The following SPMIP11 variants were observed in gnomAD, a reference collection of about 807,000 sequenced individuals.
SPMIP11 encodes the protein long intergenic non-protein coding RNA 935.
chr12:48,728,313 T>A, the SPMIP11 span, among the ~76,000 whole-genome samples: 2 of 152,152 alleles, frequency 1.3e-5, no homozygotes, highest in African/African-American at 4.8e-5. Flanking sequence ...CTATTGGATT[T>A]GGAATAAGAA....
chr12:48,765,573 T>A, the SPMIP11 span: 6 of 702,764 alleles, frequency 8.5e-6, no homozygotes, highest in Non-Finnish European at 1.3e-5. Context: ...CAGCCTGGCC[T>A]GGCTGAATCT....
chr12:48,727,638 T>C, the SPMIP11 span: 1 of 672,542 alleles, frequency 1.5e-6, no homozygotes, highest in Non-Finnish European at 2.7e-6. Context: ...TAGCTATTTA[T>C]TTTCCTACCT....
the SPMIP11 span, among the ~76,000 whole-genome samples, chr12:48,743,933 C>CAAAAAAAA: frequency 2.4e-3 from 84 of 34,892 alleles, 2 homozygotes; most frequent in Non-Finnish European, 3.3e-3. Flanking sequence ...GACTTCGTCT[C>CAAAAAAAA]AAAAAAAAAA....
the SPMIP11 span, among the ~76,000 whole-genome samples, chr12:48,738,012 A>G: frequency 6.6e-6 from 1 of 151,538 alleles, no homozygotes; most frequent in African/African-American, 2.4e-5. Context: ...TTTAGTACAA[A>G]CGGAGTCTCC....
chr12:48,728,896 T>C, the SPMIP11 span, among the ~76,000 whole-genome samples: 1 of 152,176 alleles, frequency 6.6e-6, no homozygotes, highest in South Asian at 2.1e-4. Flanking sequence ...TTAGCCATGC[T>C]AAGCATTTTA....
the SPMIP11 span, among the ~76,000 whole-genome samples, chr12:48,762,619 C>T: frequency 2.6e-5 from 4 of 151,818 alleles, no homozygotes; most frequent in African/African-American, 4.8e-5. Context: ...CCACCTGCCT[C>T]GGCCTCCCAA....
the SPMIP11 span, among the ~76,000 whole-genome samples, chr12:48,730,978 G>C: frequency 6.6e-6 from 1 of 152,138 alleles, no homozygotes; most frequent in Non-Finnish European, 1.5e-5. Flanking sequence ...GGTTCAAAGA[G>C]GTTAACTTAC....
At chr12:48,735,918 A>G in the SPMIP11 span, among the ~76,000 whole-genome samples, 1 of 152,098 alleles carries the variant, frequency 6.6e-6, no homozygotes, top group Admixed American at 6.6e-5. Context: ...AAATAAAACA[A>G]AATAAAATAG....
chr12:48,730,943 C>T, the SPMIP11 span, among the ~76,000 whole-genome samples: 1 of 151,946 alleles, frequency 6.6e-6, no homozygotes, highest in South Asian at 2.1e-4. Flanking sequence ...TGTCCCCGCC[C>T]CCCAAAAAAA....
chr12:48,746,223 T>A, the SPMIP11 span, among the ~76,000 whole-genome samples: 1 of 152,146 alleles, frequency 6.6e-6, no homozygotes, highest in Admixed American at 6.6e-5. Context: ...TGCAGAGTGC[T>A]TTTTTAAAAA....
the SPMIP11 span, among the ~76,000 whole-genome samples, chr12:48,748,008 A>G: frequency 6.6e-6 from 1 of 152,130 alleles, no homozygotes; most frequent in African/African-American, 2.4e-5. Flanking sequence ...CAATCCTATC[A>G]TATTCCCCTA....
chr12:48,739,852 C>T, the SPMIP11 span, among the ~76,000 whole-genome samples: 1 of 152,146 alleles, frequency 6.6e-6, no homozygotes, highest in Non-Finnish European at 1.5e-5. Context: ...AAATCCAAAC[C>T]ATATCACCAG....
chr12:48,752,318 T>C, the SPMIP11 span, among the ~76,000 whole-genome samples: 1 of 152,164 alleles, frequency 6.6e-6, no homozygotes. Flanking sequence ...AACCATAAGA[T>C]TCCTTGAGGT....
chr12:48,768,274 T>G, the SPMIP11 span: 1 of 421,438 alleles, frequency 2.4e-6, no homozygotes, highest in Non-Finnish European at 4.4e-6. Context: ...GCCATTTTAA[T>G]CCCTCAGGCA....
the SPMIP11 span, among the ~76,000 whole-genome samples, chr12:48,728,490 C>T: frequency 2.6e-5 from 4 of 151,880 alleles, no homozygotes; most frequent in African/African-American, 9.7e-5. Flanking sequence ...GGGCGGATCA[C>T]GAGGTCAGGA....
At chr12:48,745,868 A>G in the SPMIP11 span, among the ~76,000 whole-genome samples, 1 of 152,228 alleles carries the variant, frequency 6.6e-6, no homozygotes, top group Non-Finnish European at 1.5e-5. Flanking sequence ...CTACATGCAC[A>G]TATACTCACA....
the SPMIP11 span, among the ~76,000 whole-genome samples, chr12:48,753,863 C>T: frequency 5.3e-5 from 8 of 151,772 alleles, no homozygotes; most frequent in East Asian, 7.8e-4. Flanking sequence ...CCACAATGCC[C>T]GGCTAATTTT....
At chr12:48,744,696 G>A in the SPMIP11 span, among the ~76,000 whole-genome samples, 2 of 151,228 alleles carry the variant, frequency 1.3e-5, no homozygotes, top group East Asian at 3.9e-4. Context: ...TTTAGCCTGG[G>A]CGACAAGAGT....
At chr12:48,761,463 A>G in the SPMIP11 span, among the ~76,000 whole-genome samples, 2 of 147,056 alleles carry the variant, frequency 1.4e-5, no homozygotes, top group Non-Finnish European at 3.0e-5. Context: ...AAAAAAAAAA[A>G]TCGCAGGGCA....
Sources: gnomAD v4.1 joint callset for allele counts (sites outside exome capture counted in the v4.1 genomes callset) on GRCh38, gnomAD v4.1.1 for gene constraint, MANE v1.5 for transcripts, NCBI Gene and HGNC (gene_info 2026-07-23, HGNC 2026-07-21) for gene names.